The following SMOC2 variants were observed in gnomAD, a reference collection of about 807,000 sequenced individuals.
The protein encoded by SMOC2 is SPARC-related modular calcium-binding protein 2.
A neutral mutation model predicts 61.4 loss-of-function variants in SMOC2; 39 were observed. The ratio of observed to expected loss-of-function variants is 0.64; its 90% CI spans 0.49 to 0.83. The LOEUF is 0.83. Among genes scored for constraint, SMOC2 ranks in the 40% least tolerant of loss-of-function variants. The pLI is 0.00. For synonymous variants in SMOC2, 247 were observed against 239.9 expected (o/e 1.03, Z -0.27); for missense variants, 556 against 592.9 (o/e 0.94, Z 0.65).
At chr6:168,620,198 T>C (rs191395483) in intron 9 of SMOC2, among the ~76,000 whole-genome samples, 94 of 152,356 alleles carry the variant, frequency 6.2e-4, no homozygotes, top group African/African-American at 2.2e-3. Context: ...TTGTTTTCAC[T>C]TGGAAGCGCT....
chr6:168,494,579 C>A (rs868604459), intron 1 of SMOC2, among the ~76,000 whole-genome samples: 3 of 152,230 alleles, frequency 2.0e-5, no homozygotes, highest in African/African-American at 4.8e-5. Flanking sequence ...GGGATCACTT[C>A]CTAAGCACGT....
chr6:168,621,725 ACGCG>A (rs1786251710), intron 9 of SMOC2, among the ~76,000 whole-genome samples: 3 of 141,642 alleles, frequency 2.1e-5, no homozygotes, highest in Admixed American at 7.2e-5. Flanking sequence ...TCACGATCTC[ACGCG>A]GACTCACTCG....
intron 1 of SMOC2, among the ~76,000 whole-genome samples, chr6:168,443,033 A>G (rs1781251854): frequency 6.6e-6 from 1 of 152,226 alleles, no homozygotes; most frequent in African/African-American, 2.4e-5. Flanking sequence ...AAGACCCCCC[A>G]CATACTCTTA....
chr6:168,568,561 A>C (rs1298627507), intron 7 of SMOC2, among the ~76,000 whole-genome samples: 1 of 152,134 alleles, frequency 6.6e-6, no homozygotes, highest in African/African-American at 2.4e-5. Context: ...GGTACCCCCC[A>C]TCATAGTGTC....
chr6:168,657,706 T>C (rs1021464627), intron 11 of SMOC2, among the ~76,000 whole-genome samples: 1 of 152,072 alleles, frequency 6.6e-6, no homozygotes, highest in Non-Finnish European at 1.5e-5. Flanking sequence ...CAGTCCAAGA[T>C]TGTGGAATCA....
At chr6:168,460,377 T>C (rs1781692939) in intron 1 of SMOC2, among the ~76,000 whole-genome samples, 1 of 152,218 alleles carries the variant, frequency 6.6e-6, no homozygotes, top group Non-Finnish European at 1.5e-5. Context: ...CCAACAACTT[T>C]GGGGCCTTTT....
chr6:168,562,169 CAA>C (rs1784431620), intron 7 of SMOC2, among the ~76,000 whole-genome samples: 3 of 1,096 alleles, frequency 2.7e-3, no homozygotes, highest in African/African-American at 5.4e-3. Context: ...CCCTGAGACA[CAA>C]GGCTCTCACT....
chr6:168,566,161 C>A (rs1278156431), intron 7 of SMOC2, among the ~76,000 whole-genome samples: 4 of 152,116 alleles, frequency 2.6e-5, no homozygotes, highest in Non-Finnish European at 5.9e-5. Context: ...AGGGAGGTTT[C>A]TCTTGAAAGA....
intron 1 of SMOC2, among the ~76,000 whole-genome samples, chr6:168,492,634 A>T (rs761541605): frequency 6.6e-6 from 1 of 152,246 alleles, no homozygotes; most frequent in Non-Finnish European, 1.5e-5. Flanking sequence ...AGTGTGAGGT[A>T]GGTTTCTCTA....
chr6:168,548,178 T>C (rs1784049134), intron 6 of SMOC2, among the ~76,000 whole-genome samples: 1 of 152,098 alleles, frequency 6.6e-6, no homozygotes, highest in African/African-American at 2.4e-5. Flanking sequence ...CGCTACACAA[T>C]GTGTGATCTG....
Position 168,587,606 on chromosome 6 carries a change from C to T in SMOC2, c.638-11212C>T, listed in dbSNP as rs191393577. 8.5e-5 allele frequency among the ~76,000 whole-genome samples: 13 copies of T among 152,278 alleles called. No individual in the cohort carries two copies. In the East Asian group the frequency reaches 1.7e-3, roughly 20 times the overall value. ...AGGAGGATAGAGGAACAGTCGCTTC[C>T]GCCCTAGTCTGGCTCAGTGAAGCAA... On this transcript the variant is annotated intron_variant, in intron 7 of 12. Coordinates refer to ENST00000356284, the MANE Select transcript of SMOC2 (RefSeq NM_001166412.2).
intron 1 of SMOC2, among the ~76,000 whole-genome samples, chr6:168,505,003 G>A (rs1046945481): frequency 7.2e-5 from 11 of 151,998 alleles, no homozygotes; most frequent in Non-Finnish European, 1.2e-4. Flanking sequence ...CATCAGATGC[G>A]AGATGAATGA....
rs373121917 is a variant in SMOC2 at position 168,617,786 on chromosome 6, G to A, written c.907+9547G>A. The stretch of plus-strand genomic sequence containing the variant: ...TAAATGTGAACTGCTTGTTGTGACC[G>A]ATGGGGCCCCTCCTGGCCTTACCCC... On this transcript the variant is annotated intron_variant, in intron 9 of 12. Coordinates refer to ENST00000356284, the MANE Select transcript of SMOC2 (RefSeq NM_001166412.2). Among the ~76,000 whole-genome samples the A allele has an allele frequency of 3.9e-5, 6 of 152,338 alleles. No homozygotes were observed. The South Asian group carries it at 8.3e-4, about 21-fold the overall frequency.
In SMOC2 at chr6:168,650,799, C is replaced by T. The variant is rs780534639; in HGVS notation, c.1010+16C>T. 9 of 1,600,498 alleles carry T rather than the reference C, an allele frequency of 5.6e-6. No individual in the cohort carries two copies. Among genetic ancestry groups the T allele is most frequent in the Middle Eastern group, 1.7e-4 (1 of 6,038 alleles). Reference sequence around the variant, plus strand: ...CGTCAGGCAGGTACGCTGTGTTCGCCGTGGGACAACAAGTTGGCAGGGTCC... The same window carrying T: ...CGTCAGGCAGGTACGCTGTGTTCGCTGTGGGACAACAAGTTGGCAGGGTCC... On this transcript the variant is annotated intron_variant, in intron 10 of 12. Coordinates refer to ENST00000356284, the MANE Select transcript of SMOC2 (RefSeq NM_001166412.2).
chr6:168,499,575 T>C (rs951369760), intron 1 of SMOC2, among the ~76,000 whole-genome samples: 8 of 152,242 alleles, frequency 5.3e-5, no homozygotes, highest in African/African-American at 1.2e-4. Flanking sequence ...TTTCCCTATA[T>C]GCCTACAGCA....
chr6:168,584,869 A>C (rs1785012961), intron 7 of SMOC2, among the ~76,000 whole-genome samples: 1 of 152,210 alleles, frequency 6.6e-6, no homozygotes, highest in African/African-American at 2.4e-5. Flanking sequence ...AGTAGACAGC[A>C]CATCCATCCC....
chr6:168,458,019 G>A (rs1189103976), intron 1 of SMOC2, among the ~76,000 whole-genome samples: 3 of 152,284 alleles, frequency 2.0e-5, no homozygotes, highest in East Asian at 1.9e-4. Flanking sequence ...ACACTCTCAC[G>A]TGGAATCAAC....
At chr6:168,662,769 G>A (rs1015421176) in intron 11 of SMOC2, among the ~76,000 whole-genome samples, 51 of 152,300 alleles carry the variant, frequency 3.3e-4, no homozygotes, top group African/African-American at 1.2e-3. Context: ...GAGGAGTGTC[G>A]GGCTCTGGAT....
intron 1 of SMOC2, among the ~76,000 whole-genome samples, chr6:168,464,530 A>G (rs1433694656): frequency 6.6e-6 from 1 of 151,736 alleles, no homozygotes; most frequent in African/African-American, 2.4e-5. Flanking sequence ...TGGTTCAGTT[A>G]TAATCAGTTT....
Sources: gnomAD v4.1 joint callset for allele counts (sites outside exome capture counted in the v4.1 genomes callset) on GRCh38, gnomAD v4.1.1 for gene constraint, MANE v1.5 for transcripts, NCBI Gene and HGNC (gene_info 2026-07-23, HGNC 2026-07-21) for gene names.